TCEA1: variants seen among roughly 807,000 people sequenced by gnomAD.
TCEA1 encodes transcription elongation factor A1, also known as transcription elongation factor A protein 1.
TCEA1 carries 21 observed loss-of-function variants against 43.8 expected under a neutral mutation model. The observed-to-expected ratio is 0.48, with a 90% CI of 0.34 to 0.69. The LOEUF is 0.69. Among genes scored for constraint, TCEA1 ranks in the 30% least tolerant of loss-of-function variants. The pLI is 0.01. For synonymous variants in TCEA1, 104 were observed against 117.5 expected (o/e 0.88, Z 0.75); for missense variants, 250 against 365.1 (o/e 0.68, Z 2.57).
rs576677697 is a variant in TCEA1 at position 53,971,981 on chromosome 8, G to GA, written c.826-1519dup. 627 of 189,836 alleles carry GA rather than the reference G, an allele frequency of 3.3e-3. 4 individuals are homozygous for GA. Among genetic ancestry groups the GA allele is most frequent in the African/African-American group, 0.014 (592 of 41,328 alleles). The allele number at this position is 189,836 out of a possible 1,614,324, so 11.8% of individuals were successfully genotyped here. A position where few individuals can be genotyped will look rare whatever the true frequency, so the allele number is the denominator to read the frequency against. On this transcript the variant is annotated intron_variant, in intron 8 of 9. Transcript: ENST00000521604. ...AATTTACACAAAAAAGTACAAAAGA[G>GA]AAAAAAAACATTATTCAACATACTA...
intron 6 of TCEA1, among the ~76,000 whole-genome samples, chr8:53,984,917 C>T (rs193200362): frequency 9.2e-5 from 14 of 151,958 alleles, no homozygotes; most frequent in Non-Finnish European, 1.8e-4. Flanking sequence ...CTAAGCAATT[C>T]ACGACAACTG....
chr8:53,992,912 C>CTTTG (rs1803926169), intron 4 of TCEA1, among the ~76,000 whole-genome samples: 1 of 150,530 alleles, frequency 6.6e-6, no homozygotes, highest in African/African-American at 2.5e-5. Flanking sequence ...AATCTGAACT[C>CTTTG]TTTGTTAATG....
intron 3 of TCEA1, among the ~76,000 whole-genome samples, chr8:53,997,031 C>T (rs1804079032): frequency 6.6e-6 from 1 of 151,648 alleles, no homozygotes; most frequent in African/African-American, 2.4e-5. Flanking sequence ...TCTCGAGTAG[C>T]AGTAGCTGGG....
intron 1 of TCEA1, among the ~76,000 whole-genome samples, chr8:54,016,651 C>T (rs547978907): frequency 1.6e-4 from 24 of 151,702 alleles, no homozygotes; most frequent in African/African-American, 4.4e-4. Flanking sequence ...CCAGCTTGGC[C>T]GACATGGTGA....
chr8:53,985,246 A>C (rs946684353), intron 6 of TCEA1, among the ~76,000 whole-genome samples: 1 of 152,028 alleles, frequency 6.6e-6, no homozygotes, highest in Non-Finnish European at 1.5e-5. Context: ...CAAACTCCTG[A>C]CCTCAGGTGA....
At chr8:53,970,247 T>C (rs1257280390) in intron 9 of TCEA1, 145 bp downstream of exon 9, 1 of 728,842 alleles carries the variant, frequency 1.4e-6, no homozygotes, top group Middle Eastern at 2.3e-4. Context: ...GTATATTCCA[T>C]TACAAGTAGT....
At chr8:53,983,617 A>G (rs1382677887) in intron 7 of TCEA1, among the ~76,000 whole-genome samples, 1 of 152,130 alleles carries the variant, frequency 6.6e-6, no homozygotes, top group Non-Finnish European at 1.5e-5. Context: ...GCAGTGAGCC[A>G]AGACTATGCC....
At chr8:53,996,744 T>C (rs992817513) in intron 3 of TCEA1, among the ~76,000 whole-genome samples, 1 of 149,184 alleles carries the variant, frequency 6.7e-6, no homozygotes, top group African/African-American at 2.6e-5. Flanking sequence ...AAAAAGGTAA[T>C]ATAAATTAAG....
intron 2 of TCEA1, chr8:54,002,819 T>C (rs1208719954): frequency 2.2e-6 from 1 of 448,786 alleles, no homozygotes; most frequent in African/African-American, 2.0e-5. Context: ...ATCGTGAAAC[T>C]CTAGCAGATA....
chr8:53,976,236 T>C (rs996356102), intron 8 of TCEA1, among the ~76,000 whole-genome samples: 3 of 152,192 alleles, frequency 2.0e-5, no homozygotes, highest in African/African-American at 7.2e-5. Context: ...CGGTAAACTA[T>C]TAACATGCCT....
chr8:54,008,853 ATTTT>A, intron 2 of TCEA1, among the ~76,000 whole-genome samples: 1 of 140,284 alleles, frequency 7.1e-6, no homozygotes, highest in South Asian at 2.2e-4. Flanking sequence ...TTATTTATTT[ATTTT>A]TTTTTTTTTT....
chr8:54,021,453 G>T (rs1252280324), intron 1 of TCEA1: 3 of 152,156 alleles, frequency 2.0e-5, no homozygotes, highest in African/African-American at 7.2e-5. Context: ...TAACTCTTCT[G>T]TACATTACGA....
intron 3 of TCEA1, among the ~76,000 whole-genome samples, chr8:53,996,194 C>T (rs962937285): frequency 2.0e-5 from 3 of 152,248 alleles, no homozygotes; most frequent in Admixed American, 2.0e-4. Context: ...TCCTTTTAGA[C>T]AGCAGAGCAG....
At chr8:53,970,210 C>CT in intron 9 of TCEA1, 182 bp downstream of exon 9, 1 of 643,930 alleles carries the variant, frequency 1.6e-6, no homozygotes, top group Non-Finnish European at 2.8e-6. Context: ...AGTTAATACT[C>CT]TTTATTTCTA....
At chr8:54,000,758 A>ATT (rs537952645) in intron 2 of TCEA1, among the ~76,000 whole-genome samples, 16,692 of 136,014 alleles carry the variant, frequency 0.12, 3,032 homozygotes, top group African/African-American at 0.4. Flanking sequence ...CAAAGCTGGG[A>ATT]TTTTTTTTTT....
Position 54,013,697 on chromosome 8 carries a change from AAAAAAC to A in TCEA1, c.64-3211_64-3206del, listed in dbSNP as rs1586038142. Among the ~76,000 whole-genome samples the A allele has an allele frequency of 4.0e-5, 6 of 148,602 alleles. No homozygotes were observed. The East Asian group carries it at 9.8e-4, about 24-fold the overall frequency. On this transcript the variant is annotated intron_variant, in intron 1 of 9. Coordinates refer to ENST00000521604, the MANE Select transcript of TCEA1 (RefSeq NM_006756.4). ...CTCCATCTCAAAAAAAAAAAAAAAA[AAAAAAC>A]AAAAAACAGACAAACAAAAAGAAAT...
intron 2 of TCEA1, among the ~76,000 whole-genome samples, chr8:54,003,820 A>T (rs974748330): frequency 6.6e-6 from 1 of 152,182 alleles, no homozygotes; most frequent in African/African-American, 2.4e-5. Context: ...TTTGTGCTTC[A>T]ATGAACACCA....
chr8:53,984,535 A>G lies in TCEA1; in HGVS notation c.524-18T>C, dbSNP rs1803624668. The G allele has an allele frequency of 6.6e-7, 1 of 1,525,432 alleles. No homozygotes were observed. The highest frequency in any genetic ancestry group is 8.8e-7 in the Non-Finnish European group (1 of 1,139,734). 94.5% of individuals were successfully genotyped at this position (1,525,432 alleles called of 1,614,324 possible). A position where few individuals can be genotyped will look rare whatever the true frequency, so the allele number is the denominator to read the frequency against. Reference sequence around the variant, plus strand: ...ATATATAGGTACCAGGCCGTTAAGGAAAAAAGGCAAAATTACAAAAGTAAG... The same window carrying G: ...ATATATAGGTACCAGGCCGTTAAGGGAAAAAGGCAAAATTACAAAAGTAAG... On this transcript the variant is annotated intron_variant, in intron 6 of 9. Coordinates refer to ENST00000521604, the MANE Select transcript of TCEA1 (RefSeq NM_006756.4).
At chr8:53,989,984 C>T (rs1228896535) in intron 4 of TCEA1, among the ~76,000 whole-genome samples, 5 of 151,952 alleles carry the variant, frequency 3.3e-5, no homozygotes, top group Admixed American at 3.3e-4. Context: ...GCCTGTAATC[C>T]CAGGAGTTCA....
Sources: gnomAD v4.1 joint callset for allele counts (sites outside exome capture counted in the v4.1 genomes callset) on GRCh38, gnomAD v4.1.1 for gene constraint, MANE v1.5 for transcripts, NCBI Gene and HGNC (gene_info 2026-07-23, HGNC 2026-07-21) for gene names.